POLN: variants seen among roughly 807,000 people sequenced by gnomAD.
POLN encodes DNA polymerase nu.
In POLN, 108 loss-of-function variants were observed where a neutral mutation model predicts 113.5. The observed-to-expected ratio is 0.95, with a 90% CI of 0.81 to 1.12. The LOEUF (loss-of-function observed/expected upper bound fraction) is 1.12. Ranked by LOEUF, POLN falls within the 50% of genes most tolerant of loss-of-function variation. POLN has a pLI of 0.00. For missense variants in POLN, 1,097 were observed against 1,077.1 expected (o/e 1.02, Z -0.26); for synonymous variants, 386 against 391.5 (o/e 0.99, Z 0.17).
intron 14 of POLN, among the ~76,000 whole-genome samples, chr4:2,158,945 G>A (rs1297021604): frequency 6.6e-6 from 1 of 152,136 alleles, no homozygotes; most frequent in African/African-American, 2.4e-5. Flanking sequence ...GACTCCTGGG[G>A]TTCACGAGTG....
At chr4:2,225,183 A>G (rs1457721327) in intron 3 of POLN, among the ~76,000 whole-genome samples, 1 of 152,186 alleles carries the variant, frequency 6.6e-6, no homozygotes, top group African/African-American at 2.4e-5. Flanking sequence ...AGTTGTTAAC[A>G]TGGGTTAACA....
chr4:2,208,464 C>G lies in POLN; in HGVS notation c.237G>C (p.Gln79His), dbSNP rs753819648. 1 of 1,556,074 alleles carries G rather than the reference C, an allele frequency of 6.4e-7. No homozygotes were observed. The highest frequency in any genetic ancestry group is 1.4e-5 in the African/African-American group (1 of 72,280). ...EKKDLKSLRS[Q>H]TSRGSAKLSP... ...ACAGCTTGGCAGAACCTCTTGATGT[C>G]TGACTTCTTAAAGATTTAAGATCCT... Residue 79 changes from glutamine (Q) to histidine (H), a missense_variant, in exon 5 of 26, where the codon CAG becomes CAC. Transcript: ENST00000511885.
intron 4 of POLN, among the ~76,000 whole-genome samples, chr4:2,209,148 C>T (rs1459554046): frequency 6.6e-6 from 1 of 152,076 alleles, no homozygotes; most frequent in Non-Finnish European, 1.5e-5. Flanking sequence ...AAAATGAAAT[C>T]ACCAAAACTA....
intron 16 of POLN, among the ~76,000 whole-genome samples, chr4:2,153,151 G>C (rs1438810356): frequency 1.3e-5 from 2 of 152,212 alleles, no homozygotes; most frequent in African/African-American, 4.8e-5. Flanking sequence ...ATCTCCACAA[G>C]CTGTTGCTGA....
chr4:2,179,490 C>A, intron 7 of POLN, 25 bp from the exon 8 acceptor site: 2 of 1,607,738 alleles, frequency 1.2e-6, no homozygotes, highest in South Asian at 2.2e-5. Context: ...GTCATTCAGT[C>A]ATCCCAAGAA....
At chr4:2,190,841 A>G (rs1365939611) in intron 7 of POLN, among the ~76,000 whole-genome samples, 1 of 152,232 alleles carries the variant, frequency 6.6e-6, no homozygotes, top group African/African-American at 2.4e-5. Flanking sequence ...CCCCAATTTA[A>G]AACGACTTTC....
At chr4:2,177,827 G>A (rs149165396) in intron 8 of POLN, among the ~76,000 whole-genome samples, 2 of 152,184 alleles carry the variant, frequency 1.3e-5, no homozygotes, top group Non-Finnish European at 2.9e-5. Context: ...ATGGTACAAG[G>A]AGGGAAAGAA....
At chr4:2,237,617 T>C (rs751762692) in intron 2 of POLN, among the ~76,000 whole-genome samples, 1 of 152,146 alleles carries the variant, frequency 6.6e-6, no homozygotes, top group Non-Finnish European at 1.5e-5. Flanking sequence ...ATGTGAAAGC[T>C]AGGGCAAATC....
chr4:2,079,905 C>G (rs1440976086), intron 23 of POLN: 1 of 985,490 alleles, frequency 1.0e-6, no homozygotes, highest in African/African-American at 1.7e-5. Context: ...CTTCTAATGC[C>G]CCACTCCTGC....
At chr4:2,100,138 G>A (rs752828877) in intron 19 of POLN, among the ~76,000 whole-genome samples, 1 of 151,598 alleles carries the variant, frequency 6.6e-6, no homozygotes, top group Non-Finnish European at 1.5e-5. Flanking sequence ...GGTTCAAATC[G>A]TTTATATGGT....
intron 23 of POLN, among the ~76,000 whole-genome samples, chr4:2,077,213 A>G (rs1667842331): frequency 6.6e-6 from 1 of 152,200 alleles, no homozygotes; most frequent in African/African-American, 2.4e-5. Flanking sequence ...GGGAATGGCC[A>G]GGGAGCCAGA....
rs536782151 is a variant in POLN at position 2,115,546 on chromosome 4, A to G, written c.1982+12567T>C. On this transcript the variant is annotated intron_variant, in intron 19 of 25. Coordinates refer to ENST00000511885, the MANE Select transcript of POLN (RefSeq NM_181808.4). ...CTGAAAGTCCCAATACCTGGGCCAG[A>G]TATCTCCTTTGTTGATTTCCATTGG... 7.9e-5 allele frequency among the ~76,000 whole-genome samples: 12 copies of G among 152,292 alleles called. No homozygotes were observed. The East Asian group carries it at 2.3e-3, about 29-fold the overall frequency.
chr4:2,110,498 C>T (rs1240859842), intron 19 of POLN, among the ~76,000 whole-genome samples: 1 of 151,928 alleles, frequency 6.6e-6, no homozygotes, highest in Non-Finnish European at 1.5e-5. Context: ...GCTAGCAAGA[C>T]TAATAAAGAA....
intron 16 of POLN, chr4:2,156,375 C>CTTTTTTT (rs34241266): frequency 1.6e-5 from 6 of 384,254 alleles, no homozygotes; most frequent in Admixed American, 3.2e-5. Context: ...GAATTTAGAG[C>CTTTTTTT]TTTTTTTTTT....
chr4:2,179,391 C>T lies in POLN; in HGVS notation c.1096G>A (p.Glu366Lys), dbSNP rs957571885. ...TCACAGTATTTTTCTACTAAATCTT[C>T]AAAAGAGGGTGTGGCATCACTAGGA... is the stretch of plus-strand genomic sequence containing the variant. Reference protein sequence around the residue: ...IDPSDATPSFEDLVEKYCEKS... With the variant: ...IDPSDATPSFKDLVEKYCEKS... The change falls in exon 8 of 26, where the codon GAA becomes AAA. Residue 366 changes from glutamate to lysine, a missense_variant. Glu to Lys is a moderately conservative substitution (Grantham distance 56, BLOSUM62 1). Coordinates refer to ENST00000511885, the MANE Select transcript of POLN (RefSeq NM_181808.4). 1 of 1,613,376 alleles carries T rather than the reference C, an allele frequency of 6.2e-7. No homozygotes were observed.
At chr4:2,149,439 ATGTCC>A (rs1732234016) in intron 16 of POLN, among the ~76,000 whole-genome samples, 1 of 152,316 alleles carries the variant, frequency 6.6e-6, no homozygotes, top group South Asian at 2.1e-4. Flanking sequence ...ATGTTAAAGG[ATGTCC>A]TTTAGGCAGA....
intron 21 of POLN, chr4:2,082,671 G>T (rs1326804421): frequency 1.3e-5 from 2 of 152,164 alleles, no homozygotes; most frequent in East Asian, 3.9e-4. Context: ...ACAAGGGATC[G>T]AGTACCTACT....
intron 7 of POLN, among the ~76,000 whole-genome samples, chr4:2,179,835 C>G (rs1378041669): frequency 6.6e-6 from 1 of 152,172 alleles, no homozygotes; most frequent in Non-Finnish European, 1.5e-5. Flanking sequence ...CTCCTCTTTC[C>G]CTCAGGCATC....
At chr4:2,075,668 A>G (rs1389093182) in intron 23 of POLN, 149 bp from the exon 24 acceptor site, 5 of 782,592 alleles carry the variant, frequency 6.4e-6, no homozygotes, top group South Asian at 5.0e-5. Context: ...CCCATCCCCA[A>G]GGTTTCTGAA....
Sources: gnomAD v4.1 joint callset for allele counts (sites outside exome capture counted in the v4.1 genomes callset) on GRCh38, gnomAD v4.1.1 for gene constraint, MANE v1.5 for transcripts, NCBI Gene and HGNC (gene_info 2026-07-23, HGNC 2026-07-21) for gene names.